FNDC3B: variants seen among roughly 807,000 people sequenced by gnomAD.
FNDC3B encodes fibronectin type III domain-containing protein 3B.
In FNDC3B, 12 loss-of-function variants were observed where a neutral mutation model predicts 151.5. The ratio of observed to expected loss-of-function variants is 0.08; its 90% CI spans 0.05 to 0.13. The LOEUF is 0.13. FNDC3B is among the 10% of genes least tolerant of loss of function. The pLI is 1.00. For synonymous variants in FNDC3B, 528 were observed against 549.0 expected, an observed-to-expected ratio of 0.96 and a Z score of 0.54; for missense variants, 1,214 against 1,505.3, an observed-to-expected ratio of 0.81 and a Z score of 3.20.
At chr3:172,080,562 G>A (rs964314690) in intron 1 of FNDC3B, among the ~76,000 whole-genome samples, 22 of 152,100 alleles carry the variant, frequency 1.4e-4, no homozygotes, top group African/African-American at 4.3e-4. Context: ...ACAGGTGTGA[G>A]GCACTGTACT....
At chr3:172,085,809 GA>G (rs1718523204) in intron 1 of FNDC3B, among the ~76,000 whole-genome samples, 1 of 152,176 alleles carries the variant, frequency 6.6e-6, no homozygotes, top group South Asian at 2.1e-4. Flanking sequence ...TGAGTCTGGG[GA>G]AAAGTGCTTC....
chr3:172,093,652 A>G (rs1718957732), intron 1 of FNDC3B, among the ~76,000 whole-genome samples: 1 of 151,198 alleles, frequency 6.6e-6, no homozygotes, highest in Non-Finnish European at 1.5e-5. Flanking sequence ...TCCCTCTTCA[A>G]CCTCCCAAAG....
chr3:172,355,496 C>T (rs2108329771), intron 22 of FNDC3B, among the ~76,000 whole-genome samples: 1 of 146,438 alleles, frequency 6.8e-6, no homozygotes, highest in African/African-American at 2.5e-5. Context: ...CCACCCCAAA[C>T]CTACTTAATT....
At chr3:172,271,230 A>G (rs191432822) in intron 6 of FNDC3B, among the ~76,000 whole-genome samples, 1 of 152,308 alleles carries the variant, frequency 6.6e-6, no homozygotes, top group African/African-American at 2.4e-5. Flanking sequence ...TTTTCATTAC[A>G]TTTCATGTAA....
Position 172,134,376 on chromosome 3 carries a change from T to A in FNDC3B, c.187+830T>A, listed in dbSNP as rs761033697. 5.8e-6 allele frequency: 3 copies of A among 518,634 alleles called. No individual in the cohort carries two copies. The East Asian group carries it at 1.6e-4, about 28-fold the overall frequency. The allele number at this position is 518,634 out of a possible 1,614,324, so 32.1% of individuals were successfully genotyped here. A position where few individuals can be genotyped will look rare whatever the true frequency, so the allele number is the denominator to read the frequency against. ...AACACTGTAGTGTTAAAAGGCACTG[T>A]TTATGATAGCTCTTTTTGACAGTGA... On this transcript the variant is annotated intron_variant, in intron 3 of 25. Transcript: ENST00000415807.
intron 3 of FNDC3B, among the ~76,000 whole-genome samples, chr3:172,189,983 TGTG>T (rs1312539405): frequency 6.6e-6 from 1 of 152,170 alleles, no homozygotes; most frequent in Non-Finnish European, 1.5e-5. Context: ...TTATTCCTAT[TGTG>T]CAGATGAGGA....
chr3:172,351,066 G>A (rs116478482), intron 21 of FNDC3B, among the ~76,000 whole-genome samples: 2,908 of 152,276 alleles, frequency 0.019, 101 homozygotes, highest in African/African-American at 0.066. Flanking sequence ...ACAACAGTGA[G>A]CCAGACAGGC....
intron 3 of FNDC3B, among the ~76,000 whole-genome samples, chr3:172,136,114 T>A (rs1165479299): frequency 1.3e-5 from 2 of 152,238 alleles, no homozygotes; most frequent in African/African-American, 4.8e-5. Flanking sequence ...CTATGTCTGA[T>A]GCCCTCAGTT....
At chr3:172,227,169 C>T in intron 4 of FNDC3B, 2 of 420,992 alleles carry the variant, frequency 4.8e-6, no homozygotes, top group South Asian at 9.5e-5. Context: ...AGACTGTCCT[C>T]TGCCAAGTGG....
intron 3 of FNDC3B, among the ~76,000 whole-genome samples, chr3:172,226,381 ATT>A (rs1253095569): frequency 6.6e-6 from 1 of 151,780 alleles, no homozygotes; most frequent in African/African-American, 2.4e-5. Context: ...GATTTCTTCT[ATT>A]TCAAATTATG....
At chr3:172,251,125 T>G (rs1483809613) in intron 5 of FNDC3B, 135 bp from the exon 6 acceptor site, 1 of 736,102 alleles carries the variant, frequency 1.4e-6, no homozygotes, top group East Asian at 2.7e-5. Flanking sequence ...AAAATATTTA[T>G]TAGACTCTAT....
chr3:172,246,589 A>G (rs956469190), intron 4 of FNDC3B, among the ~76,000 whole-genome samples: 3 of 152,232 alleles, frequency 2.0e-5, no homozygotes, highest in Admixed American at 2.0e-4. Context: ...TGGATGAATT[A>G]GAAAACATTC....
chr3:172,133,045 A>G (rs1721183833), intron 2 of FNDC3B, among the ~76,000 whole-genome samples: 1 of 152,202 alleles, frequency 6.6e-6, no homozygotes, highest in African/African-American at 2.4e-5. Context: ...ACACAATAGA[A>G]TCATATAACC....
intron 1 of FNDC3B, among the ~76,000 whole-genome samples, chr3:172,071,152 A>C (rs1364823604): frequency 6.6e-6 from 1 of 152,224 alleles, no homozygotes; most frequent in Admixed American, 6.5e-5. Context: ...AAGACACTTC[A>C]TAAACTTTAA....
At chr3:172,339,034 G>A (rs1733145676) in intron 16 of FNDC3B, among the ~76,000 whole-genome samples, 1 of 152,038 alleles carries the variant, frequency 6.6e-6, no homozygotes, top group East Asian at 1.9e-4. Context: ...ACCGCGCCCG[G>A]CCCACCATTA....
At chr3:172,268,133 A>G (rs956864987) in intron 6 of FNDC3B, among the ~76,000 whole-genome samples, 7 of 152,234 alleles carry the variant, frequency 4.6e-5, no homozygotes, top group African/African-American at 1.7e-4. Flanking sequence ...TTAACTACAT[A>G]TGAAGTACTA....
intron 3 of FNDC3B, among the ~76,000 whole-genome samples, chr3:172,213,051 T>C (rs961323606): frequency 1.3e-5 from 2 of 152,194 alleles, no homozygotes; most frequent in African/African-American, 4.8e-5. Context: ...AATTATTTCC[T>C]TCCTTTTTCT....
chr3:172,052,694 G>A (rs1304965534), intron 1 of FNDC3B, among the ~76,000 whole-genome samples: 2 of 152,132 alleles, frequency 1.3e-5, no homozygotes, highest in African/African-American at 2.4e-5. Flanking sequence ...GATCTGGGGT[G>A]GGATCTGGAA....
At chr3:172,394,108 A>T (rs1450098139) in intron 25 of FNDC3B, among the ~76,000 whole-genome samples, 2 of 71,356 alleles carry the variant, frequency 2.8e-5, no homozygotes, top group Admixed American at 1.7e-4. Context: ...ACTCCTTCTA[A>T]AAAAAAAAAA....
Sources: gnomAD v4.1 joint callset for allele counts (sites outside exome capture counted in the v4.1 genomes callset) on GRCh38, gnomAD v4.1.1 for gene constraint, MANE v1.5 for transcripts, NCBI Gene and HGNC (gene_info 2026-07-23, HGNC 2026-07-21) for gene names.